Variants in HNRNPUL1 observed in about 807,000 individuals in gnomAD.
HNRNPUL1 encodes the protein heterogeneous nuclear ribonucleoprotein U-like protein 1.
In HNRNPUL1, 14 loss-of-function variants were observed where a neutral mutation model predicts 108.5. The ratio of observed to expected loss-of-function variants is 0.13; its 90% confidence interval spans 0.09 to 0.20. The LOEUF (loss-of-function observed/expected upper bound fraction) is 0.20, where lower values mean the gene tolerates loss of function less well. Among genes scored for constraint, HNRNPUL1 ranks in the 10% least tolerant of loss-of-function variants. HNRNPUL1 has a pLI of 1.00. For missense variants in HNRNPUL1, 804 were observed against 1,168.3 expected (o/e 0.69, Z 4.55); for synonymous variants, 422 against 445.2 (o/e 0.95, Z 0.66).
intron 13 of HNRNPUL1, 103 bp downstream of exon 13, chr19:41,304,364 G>C: frequency 6.6e-7 from 1 of 1,508,556 alleles, no homozygotes; most frequent in Non-Finnish European, 8.9e-7. Context: ...ACATGCCCCA[G>C]CTACTGGTCT....
chr19:41,265,394 G>C, intron 1 of HNRNPUL1: 2 of 1,505,420 alleles, frequency 1.3e-6, no homozygotes, highest in Non-Finnish European at 1.8e-6. Flanking sequence ...TGGCTGGGGA[G>C]GGTCCTAATG....
intron 2 of HNRNPUL1, among the ~76,000 whole-genome samples, chr19:41,270,273 G>A (rs548474980): frequency 1.4e-4 from 22 of 151,800 alleles, no homozygotes; most frequent in Non-Finnish European, 2.6e-4. Flanking sequence ...GTGAGCCACT[G>A]AACCCGGCCA....
intron 12 of HNRNPUL1, among the ~76,000 whole-genome samples, chr19:41,303,580 C>T (rs992296863): frequency 5.9e-5 from 9 of 152,062 alleles, no homozygotes; most frequent in Non-Finnish European, 1.2e-4. Flanking sequence ...TCTTGAACTC[C>T]TGACCTCACG....
At chr19:41,299,747 C>T (rs1274328177) in intron 10 of HNRNPUL1, among the ~76,000 whole-genome samples, 5 of 152,114 alleles carry the variant, frequency 3.3e-5, no homozygotes, top group Non-Finnish European at 5.9e-5. Flanking sequence ...CAAGTTTCTT[C>T]CCCAAAGCCT....
chr19:41,272,445 G>A, intron 3 of HNRNPUL1: 1 of 518,044 alleles, frequency 1.9e-6, no homozygotes, highest in Non-Finnish European at 3.4e-6. Flanking sequence ...CTTACCTGCA[G>A]GGTAACTTCT....
intron 7 of HNRNPUL1, among the ~76,000 whole-genome samples, chr19:41,290,093 A>G (rs997017565): frequency 2.6e-5 from 4 of 152,102 alleles, no homozygotes; most frequent in African/African-American, 9.7e-5. Context: ...CCCTGTGAGC[A>G]CTGAGGAGGT....
intron 7 of HNRNPUL1, among the ~76,000 whole-genome samples, chr19:41,286,094 TTAA>T (rs1159176710): frequency 1.3e-5 from 2 of 151,752 alleles, no homozygotes; most frequent in African/African-American, 4.8e-5. Flanking sequence ...AAAAAAAAAA[TTAA>T]TAGCCTACTG....
intron 1 of HNRNPUL1, chr19:41,265,041 G>A (rs1455143285): frequency 2.3e-5 from 32 of 1,395,008 alleles, no homozygotes; most frequent in Non-Finnish European, 3.0e-5. Flanking sequence ...AGGGACGGGG[G>A]TGGCGGGGAG....
At chr19:41,271,114 C>T (rs1315570332) in intron 2 of HNRNPUL1, among the ~76,000 whole-genome samples, 1 of 152,190 alleles carries the variant, frequency 6.6e-6, no homozygotes, top group Non-Finnish European at 1.5e-5. Context: ...TGTGGCCTCC[C>T]AGTGCCTTTT....
intron 2 of HNRNPUL1, among the ~76,000 whole-genome samples, chr19:41,271,742 G>A (rs554450358): frequency 7.2e-5 from 11 of 152,166 alleles, no homozygotes; most frequent in South Asian, 4.1e-4. Flanking sequence ...ACTAAAGCCC[G>A]TAGAGTTAGC....
chr19:41,302,531 C>G (rs756269472), intron 11 of HNRNPUL1, 134 bp from the exon 12 acceptor site: 1 of 1,185,184 alleles, frequency 8.4e-7, no homozygotes, highest in Non-Finnish European at 1.2e-6. Flanking sequence ...CTGTCTATGT[C>G]TTTCTTATTC....
At position 41,291,747 on chromosome 19, in the gene HNRNPUL1, C is replaced by T. The variant is rs971976999; in HGVS notation, c.1000-498C>T. The T allele has an allele frequency of 2.8e-4, 45 of 159,372 alleles. 3 individuals are homozygous for T. The highest frequency in any genetic ancestry group is 4.2e-5 in the Non-Finnish European group (3 of 72,180). The allele number at this position is 159,372 out of a possible 1,614,324, so 9.9% of individuals were successfully genotyped here. On this transcript the variant is annotated intron_variant, in intron 7 of 14. Coordinates refer to ENST00000392006, the MANE Select transcript of HNRNPUL1 (RefSeq NM_007040.6). ...CCTATAATTCCAACAGTTTGGCAGG[C>T]CAAGGTGGGAAGATCACTTGAGTCC...
At chr19:41,266,543 G>T (rs892217665) in intron 1 of HNRNPUL1, among the ~76,000 whole-genome samples, 4 of 152,104 alleles carry the variant, frequency 2.6e-5, no homozygotes, top group Admixed American at 1.3e-4. Context: ...TCTCACCTCG[G>T]CCTCCTGAAG....
intron 7 of HNRNPUL1, among the ~76,000 whole-genome samples, chr19:41,287,345 A>C (rs2036294519): frequency 6.6e-6 from 1 of 152,142 alleles, no homozygotes; most frequent in South Asian, 2.1e-4. Flanking sequence ...TAATGACAGT[A>C]AAGTTATTAA....
chr19:41,303,981 G>A lies in HNRNPUL1; in HGVS notation c.1982G>A (p.Arg661His), dbSNP rs1039905357. Residue 661 changes from arginine (R) to histidine (H), a missense_variant, in exon 13 of 15, where the codon CGC (arginine) becomes CAC (histidine). By Grantham distance (29) the Arg-to-His change is conservative (BLOSUM62 0). Transcript: ENST00000392006. ...GATTTCTCCAACACAGGTTTCAACC[G>A]CAGCGGAGGTGGTGGCTATAGCCAG... The part of the protein sequence containing the change: ...GGGNYRGGFN[R>H]SGGGGYSQNR... 1.9e-6 allele frequency: 3 copies of A among 1,609,266 alleles called. No homozygotes were observed. The highest frequency in any genetic ancestry group is 2.2e-5 in the East Asian group (1 of 44,746).
chr19:41,283,361 AC>A (rs1288991138), intron 7 of HNRNPUL1, among the ~76,000 whole-genome samples: 6 of 151,956 alleles, frequency 3.9e-5, no homozygotes, highest in African/African-American at 1.5e-4. Flanking sequence ...ACTCACTGCA[AC>A]CTCCGCCTCC....
chr19:41,305,098 T>C (rs1431447609), intron 13 of HNRNPUL1, among the ~76,000 whole-genome samples: 2 of 152,108 alleles, frequency 1.3e-5, no homozygotes, highest in Non-Finnish European at 2.9e-5. Context: ...AGACCTGGGG[T>C]CAAGTCCTTT....
intron 1 of HNRNPUL1, 44 bp downstream of exon 1, chr19:41,264,842 C>T (rs2034711798): frequency 1.5e-6 from 2 of 1,341,534 alleles, no homozygotes; most frequent in African/African-American, 3.1e-5. Context: ...GGAGCCTGGG[C>T]CGAGGAAAGG....
chr19:41,291,388 C>T (rs1405191284), intron 7 of HNRNPUL1, among the ~76,000 whole-genome samples: 1 of 152,214 alleles, frequency 6.6e-6, no homozygotes, highest in Non-Finnish European at 1.5e-5. Flanking sequence ...GTTGAACAAG[C>T]TGAACTCAGT....
Sources: allele counts gnomAD v4.1 joint callset (sites outside exome capture counted in the v4.1 genomes callset), GRCh38; gene constraint gnomAD v4.1.1; transcripts MANE v1.5; gene names NCBI Gene and HGNC (gene_info 2026-07-23, HGNC 2026-07-21).